Variants in DCDC1 observed in about 807,000 individuals in gnomAD.
DCDC1 encodes doublecortin domain-containing protein 1.
Under a neutral mutation model 178.3 loss-of-function variants are expected in DCDC1, and 200 were observed. The ratio of observed to expected loss-of-function variants is 1.12; its 90% CI spans 1.00 to 1.26. DCDC1 has a LOEUF of 1.26. DCDC1 is among the 50% of genes most tolerant of loss of function. The probability of loss-of-function intolerance (pLI) is 0.00; values close to 1 mark genes in which losing one functional copy is unlikely to be tolerated. For synonymous variants in DCDC1, 690 were observed against 604.8 expected, an observed-to-expected ratio of 1.14 and a Z score of -2.07; for missense variants, 1,983 against 1,749.2, an observed-to-expected ratio of 1.13 and a Z score of -2.38.
intron 8 of DCDC1, among the ~76,000 whole-genome samples, chr11:31,255,630 G>C (rs950746224): frequency 3.3e-5 from 5 of 152,002 alleles, no homozygotes; most frequent in Non-Finnish European, 5.9e-5. Context: ...TAACTTCTTT[G>C]GGAAAACGTT....
At position 31,328,114 on chromosome 11, in the gene DCDC1, T is replaced by C. The variant is rs778022600; in HGVS notation, c.164+3A>G. On this transcript the variant is annotated splice_donor_region_variant and intron_variant, in intron 3 of 38. Transcript: ENST00000684477. Reference sequence around the variant, plus strand: ...GTTTAAGCTGCTGAAATAATGTTCTTACCTTGGTAAATCATTCAAAATATA... The same window carrying C: ...GTTTAAGCTGCTGAAATAATGTTCTCACCTTGGTAAATCATTCAAAATATA... 2.4e-5 allele frequency: 39 copies of C among 1,596,408 alleles called. No individual in the cohort carries two copies. Among genetic ancestry groups the C allele is most frequent in the Non-Finnish European group, 3.1e-5 (36 of 1,168,520 alleles).
At chr11:30,951,088 A>G (rs556286478) in intron 21 of DCDC1, among the ~76,000 whole-genome samples, 41 of 152,242 alleles carry the variant, frequency 2.7e-4, no homozygotes, top group African/African-American at 9.9e-4. Flanking sequence ...TTGATAGGTG[A>G]TAATTTTCCA....
intron 6 of DCDC1, among the ~76,000 whole-genome samples, chr11:31,294,780 AAG>A (rs1269811189): frequency 6.7e-6 from 1 of 149,022 alleles, no homozygotes; most frequent in Non-Finnish European, 1.5e-5. Context: ...AAGAAAGAGA[AAG>A]AAAGAAAAAT....
At chr11:31,117,789 G>T (rs1490452521) in intron 11 of DCDC1, among the ~76,000 whole-genome samples, 1 of 151,762 alleles carries the variant, frequency 6.6e-6, no homozygotes, top group Non-Finnish European at 1.5e-5. Flanking sequence ...CCAGAAGACA[G>T]TGGCAAAGGA....
At chr11:31,260,968 A>C (rs1944742705) in intron 8 of DCDC1, among the ~76,000 whole-genome samples, 1 of 152,224 alleles carries the variant, frequency 6.6e-6, no homozygotes. Flanking sequence ...GTCCTAAACA[A>C]AGGAAGCCAA....
intron 9 of DCDC1, among the ~76,000 whole-genome samples, chr11:31,196,953 G>C (rs1246230562): frequency 6.6e-6 from 1 of 152,060 alleles, no homozygotes; most frequent in Non-Finnish European, 1.5e-5. Context: ...AGATTCTAAG[G>C]ATTTTAGAAA....
intron 1 of DCDC1, among the ~76,000 whole-genome samples, chr11:31,357,216 G>C (rs925935516): frequency 6.2e-4 from 94 of 152,124 alleles, no homozygotes; most frequent in African/African-American, 2.1e-3. Context: ...GAATCCAGCA[G>C]CACATCAAAA....
intron 36 of DCDC1, among the ~76,000 whole-genome samples, chr11:30,888,594 G>C (rs969779588): frequency 6.6e-6 from 1 of 152,272 alleles, no homozygotes; most frequent in Non-Finnish European, 1.5e-5. Context: ...GCACATGCCT[G>C]TAATCCCAGC....
chr11:31,258,656 T>C (rs1944576404), intron 8 of DCDC1, among the ~76,000 whole-genome samples: 1 of 152,186 alleles, frequency 6.6e-6, no homozygotes, highest in African/African-American at 2.4e-5. Flanking sequence ...TCGTCCTCAC[T>C]GGGACCCTTA....
chr11:31,264,354 C>T (rs1944998214), intron 8 of DCDC1, among the ~76,000 whole-genome samples: 1 of 151,994 alleles, frequency 6.6e-6, no homozygotes, highest in Non-Finnish European at 1.5e-5. Context: ...AGTAACAAAG[C>T]AATACAATAA....
chr11:31,367,085 C>G lies in DCDC1; in HGVS notation c.-125+2612G>C, dbSNP rs371872077. Among the ~76,000 whole-genome samples the G allele has an allele frequency of 7.6e-4, 115 of 152,276 alleles. 4 individuals carry two copies. The South Asian group carries it at 0.022, about 30-fold the overall frequency. ...CTGAGGCAGGCAGATTGCTTGAGCT[C>G]AAGAGTTCCAGACCAGCCTGGCCAA... On this transcript the variant is annotated intron_variant, in intron 1 of 38. Transcript: ENST00000684477.
intron 9 of DCDC1, among the ~76,000 whole-genome samples, chr11:31,157,361 A>G (rs11828681): frequency 7.5e-5 from 7 of 92,856 alleles, no homozygotes; most frequent in African/African-American, 2.5e-4. Context: ...TTCTCAAAAA[A>G]AAAAAAAAAA....
At chr11:31,250,421 C>CATATACATATATATATATAT (rs1943920511) in intron 8 of DCDC1, among the ~76,000 whole-genome samples, 4 of 52,946 alleles carry the variant, frequency 7.6e-5, no homozygotes, top group African/African-American at 2.0e-4. Flanking sequence ...CACACATATA[C>CATATACATATATATATATAT]ATATATATGT....
intron 31 of DCDC1, 41 bp downstream of exon 31, chr11:30,904,920 C>G: frequency 6.2e-7 from 1 of 1,609,460 alleles, no homozygotes; most frequent in Non-Finnish European, 8.5e-7. Context: ...ATTGTCATTA[C>G]CTCTGAAGAT....
At chr11:31,355,788 C>T (rs1352508711) in intron 1 of DCDC1, among the ~76,000 whole-genome samples, 1 of 152,050 alleles carries the variant, frequency 6.6e-6, no homozygotes, top group Non-Finnish European at 1.5e-5. Flanking sequence ...AGGCCGGTCT[C>T]GAGCTCCCGA....
intron 21 of DCDC1, among the ~76,000 whole-genome samples, chr11:30,939,884 T>G (rs1947519130): frequency 6.6e-6 from 1 of 152,210 alleles, no homozygotes; most frequent in African/African-American, 2.4e-5. Flanking sequence ...AGTAAAACTA[T>G]TAGATCATGA....
intron 29 of DCDC1, among the ~76,000 whole-genome samples, chr11:30,908,571 TGTGATTCATACGGAG>T (rs1010998191): frequency 2.6e-5 from 4 of 152,160 alleles, no homozygotes; most frequent in African/African-American, 9.7e-5. Context: ...TTTGGAAGTA[TGTGATTCATACGGAG>T]GTGAAGTAAT....
chr11:31,074,381 T>C lies in DCDC1; in HGVS notation c.2298+3484A>G, dbSNP rs552437351. ...TCACATGTTGAAACTTAATTGCCAA[T>C]GTGATAGTATTAAGAGGTAGGGCCT... is the stretch of plus-strand genomic sequence containing the variant. On this transcript the variant is annotated intron_variant, in intron 18 of 38. Transcript: ENST00000684477. 9.9e-5 allele frequency among the ~76,000 whole-genome samples: 15 copies of C among 152,250 alleles called. No individual in the cohort carries two copies. In the South Asian group the frequency reaches 2.9e-3, roughly 29 times the overall value.
intron 20 of DCDC1, among the ~76,000 whole-genome samples, chr11:30,983,700 G>T (rs1950499328): frequency 6.6e-6 from 1 of 152,086 alleles, no homozygotes; most frequent in African/African-American, 2.4e-5. Flanking sequence ...AGTTCAATTT[G>T]CTATTTTCAA....
Sources: allele counts gnomAD v4.1 joint callset (sites outside exome capture counted in the v4.1 genomes callset), GRCh38; gene constraint gnomAD v4.1.1; transcripts MANE v1.5; gene names NCBI Gene and HGNC (gene_info 2026-07-23, HGNC 2026-07-21).